CA14: variants seen among roughly 807,000 people sequenced by gnomAD.
CA14 encodes the protein CA-XIV.
CA14 carries 44 observed loss-of-function variants against 48.8 expected under a neutral mutation model. The observed-to-expected ratio is 0.90, with a 90% CI of 0.71 to 1.16. The LOEUF (loss-of-function observed/expected upper bound fraction) is 1.16. CA14 is among the 50% of genes most tolerant of loss of function. CA14 has a pLI of 0.00. For synonymous variants in CA14, 154 were observed against 155.0 expected, an observed-to-expected ratio of 0.99 and a Z score of 0.05; for missense variants, 386 against 401.0, an observed-to-expected ratio of 0.96 and a Z score of 0.32.
At chr1:150,263,542 A>G (rs1651287800) in intron 8 of CA14, 117 bp from the exon 9 acceptor site, 24 of 1,609,820 alleles carry the variant, frequency 1.5e-5, no homozygotes, top group Non-Finnish European at 2.5e-6. Context: ...TGGACTGGGA[A>G]CCAACCCCCA....
At chr1:150,263,911 T>TA in intron 10 of CA14, 33 bp downstream of exon 10, 4 of 1,299,700 alleles carry the variant, frequency 3.1e-6, no homozygotes, top group African/African-American at 4.2e-5. Flanking sequence ...TCCAGTCCCT[T>TA]CTTCTTTTTT....
At chr1:150,262,738 T>G (rs1553848174) in intron 5 of CA14, 66 bp from the exon 6 acceptor site, 2 of 1,402,114 alleles carry the variant, frequency 1.4e-6, no homozygotes. Context: ...CCATTTATTC[T>G]GTACATAAAT....
chr1:150,263,729 G>A (rs1553848610), intron 9 of CA14, 50 bp downstream of exon 9: 7 of 1,612,848 alleles, frequency 4.3e-6, no homozygotes, highest in East Asian at 2.2e-5. Context: ...TCCTCACCGA[G>A]TGGGGGAAAG....
At chr1:150,260,065 A>G in intron 1 of CA14, 86 bp from the exon 2 acceptor site, 1 of 1,324,460 alleles carries the variant, frequency 7.6e-7, no homozygotes, top group South Asian at 1.2e-5. Context: ...GTGGAGCAGT[A>G]CAGAATGCCA....
chr1:150,264,860 T>C lies in CA14; in HGVS notation c.*201T>C, dbSNP rs1651521620. 4.4e-6 allele frequency: 2 copies of C among 455,308 alleles called. No individual in the cohort carries two copies. Among genetic ancestry groups the C allele is most frequent in the African/African-American group, 2.0e-5 (1 of 50,826 alleles). The allele number at this position is 455,308 out of a possible 1,614,324, so 28.2% of individuals were successfully genotyped here. On this transcript the variant is annotated 3_prime_UTR_variant, in exon 11 of 11. Coordinates refer to ENST00000369111, the MANE Select transcript of CA14 (RefSeq NM_012113.3). ...GCAGAGCCTTCAGCCTCTCCAAACA[T>C]GTAGGAGGAAATGAGGAAATCGCTG...
In CA14 at chr1:150,260,199, AC is replaced by A. The variant is rs782469989; in HGVS notation, c.76+31del. ...GAGCAGATCTCAAGGCCTCCCGACA[AC>A]CCTTTCACACTGGGACCTCCTCACC... On this transcript the variant is annotated intron_variant, in intron 2 of 10. Coordinates refer to ENST00000369111, the MANE Select transcript of CA14 (RefSeq NM_012113.3). 6.2e-6 allele frequency: 10 copies of A among 1,611,850 alleles called. No homozygotes were observed. The Admixed American group carries it at 8.3e-5, about 13-fold the overall frequency.
chr1:150,261,520 G>C lies in CA14; in HGVS notation c.138G>C (p.Ser46=), dbSNP rs781864244. ...CTGAGTGTGGAAACAATGCCCAGTC[G>C]CCCATCGATATTCAGACAGACAGTG... is the stretch of plus-strand genomic sequence containing the variant. The part of the protein sequence containing the change: ...SYPECGNNAQ[S]PIDIQTDSVT... Residue 46 remains serine (S), a synonymous_variant, in exon 3 of 11, where the codon TCG becomes TCC. Transcript: ENST00000369111. 3 of 1,614,146 alleles carry C rather than the reference G, an allele frequency of 1.9e-6. No individual in the cohort carries two copies. The highest frequency in any genetic ancestry group is 2.5e-6 in the Non-Finnish European group (3 of 1,180,028).
rs1651021809 is a variant in CA14, at chr1:150,261,462, C to T, written c.80C>T (p.Pro27Leu). Residue 27 changes from proline to leucine, a missense_variant, in exon 3 of 11, where the codon CCA becomes CTA. By Grantham distance (98) the Pro-to-Leu change is moderately conservative. Transcript: ENST00000369111. Reference sequence around the variant, plus strand: ...TGTCTTTGGTAACCCCCACCAGGCCCACATGGTCAGGACCATTGGCCAGCC... The same window carrying T: ...TGTCTTTGGTAACCCCCACCAGGCCTACATGGTCAGGACCATTGGCCAGCC... ...DGGQHWTYEG[P>L]HGQDHWPASY... is the part of the protein sequence containing the mutation. The T allele has an allele frequency of 6.2e-7, 1 of 1,613,650 alleles. No individual in the cohort carries two copies. The highest frequency in any genetic ancestry group is 1.3e-5 in the African/African-American group (1 of 74,918).
At position 150,263,170 on chromosome 1, in the gene CA14, TA is replaced by T; in HGVS notation, c.692del (p.Tyr231LeufsTer61). 1 of 1,614,120 alleles carries T rather than the reference TA, an allele frequency of 6.2e-7. No homozygotes were observed. Among genetic ancestry groups the T allele is most frequent in the Non-Finnish European group, 8.5e-7 (1 of 1,180,016 alleles). On this transcript the variant is annotated frameshift_variant, in exon 7 of 11. Coordinates refer to ENST00000369111, the MANE Select transcript of CA14 (RefSeq NM_012113.3). LOFTEE classifies it high-confidence loss of function. ...CYQSVLWTVF[Y>X]RRSQISMEQL... Reference sequence around the variant, plus strand: ...CCAGAGTGTGCTCTGGACAGTTTTTTATAGAAGGTCCCAGATTTCAATGGAA... The same window carrying T: ...CCAGAGTGTGCTCTGGACAGTTTTTTTAGAAGGTCCCAGATTTCAATGGAA...
chr1:150,262,452 G>T, intron 4 of CA14, 73 bp from the exon 5 acceptor site: 1 of 1,482,216 alleles, frequency 6.7e-7, no homozygotes, highest in Non-Finnish European at 9.4e-7. Context: ...GCGGGGGGAT[G>T]GTGGCAGCTA....
intron 6 of CA14, 83 bp from the exon 7 acceptor site, chr1:150,262,959 C>G: frequency 6.3e-7 from 1 of 1,584,196 alleles, no homozygotes. Context: ...TACATAGAGC[C>G]AAGGAATTTT....
intron 1 of CA14, among the ~76,000 whole-genome samples, chr1:150,258,972 C>T (rs908578449): frequency 4.6e-5 from 7 of 151,854 alleles, no homozygotes; most frequent in Non-Finnish European, 8.8e-5. Context: ...GGCAGGCAGC[C>T]AAATGGAGAG....
rs782676908 is a variant in CA14, at chr1:150,263,352, T to C, written c.774T>C (p.Leu258=). The C allele has an allele frequency of 3.7e-6, 6 of 1,614,092 alleles. No homozygotes were observed. The highest frequency in any genetic ancestry group is 5.1e-6 in the Non-Finnish European group (6 of 1,180,040). ...LFSTEEEPSK[L]LVQNYRALQP... is the part of the protein sequence containing the mutation. ...CCACAGAAGAGGAGCCCTCTAAGCTTCTGGTACAGAACTACCGAGCCCTTC... is the reference window on the plus strand; with the variant it reads ...CCACAGAAGAGGAGCCCTCTAAGCTCCTGGTACAGAACTACCGAGCCCTTC... Residue 258 remains leucine, a synonymous_variant, in exon 8 of 11, where the codon CTT becomes CTC. Coordinates refer to ENST00000369111, the MANE Select transcript of CA14 (RefSeq NM_012113.3).
At position 150,262,471 on chromosome 1, in the gene CA14, G is replaced by A. The variant is rs1455766382; in HGVS notation, c.400-54G>A. 4.0e-6 allele frequency: 6 copies of A among 1,516,660 alleles called. No homozygotes were observed. The East Asian group carries it at 6.8e-5, about 17-fold the overall frequency. The allele number at this position is 1,516,660 out of a possible 1,614,324, so 94.0% of individuals were successfully genotyped here. A position where few individuals can be genotyped will look rare whatever the true frequency, so the allele number is the denominator to read the frequency against. ...GGGGATGGTGGCAGCTAGGATCAAG[G>A]CCTTGAAGGGGGTGCAGACATTCCA... On this transcript the variant is annotated intron_variant, in intron 4 of 10. Transcript: ENST00000369111.
At chr1:150,260,926 A>T (rs1265142884) in intron 2 of CA14, 1 of 155,022 alleles carries the variant, frequency 6.5e-6, no homozygotes, top group East Asian at 1.9e-4. Context: ...CGTCTGGCTA[A>T]TTTTTGCATT....
chr1:150,262,916 A>G, intron 6 of CA14, 46 bp downstream of exon 6: 1 of 1,589,424 alleles, frequency 6.3e-7, no homozygotes, highest in Non-Finnish European at 8.6e-7. Flanking sequence ...AGACTTTCAA[A>G]AACTATCCTT....
In CA14 at chr1:150,262,270, C is replaced by T. The variant is rs782382176; in HGVS notation, c.369C>T (p.His123=). Residue 123 remains histidine, a synonymous_variant, in exon 4 of 11, where the codon CAC becomes CAT. Transcript: ENST00000369111. ...AAGGATCCCCAGGGGGGTCAGAACA[C>T]CAGATCAACAGTGAAGCCACATTTG... ...GQKGSPGGSE[H]QINSEATFAE... The T allele has an allele frequency of 1.2e-6, 2 of 1,608,350 alleles. No individual in the cohort carries two copies. Among genetic ancestry groups the T allele is most frequent in the East Asian group, 2.2e-5 (1 of 44,878 alleles).
At position 150,262,312 on chromosome 1, in the gene CA14, CAA is replaced by C; in HGVS notation, c.399+14_399+15del. ...CCACATTTGCAGAGGTACCAGGGAACAAAGAGCTGGGACTCAGACAAAGTAAC... is the reference window on the plus strand; with the variant it reads ...CCACATTTGCAGAGGTACCAGGGAACAGAGCTGGGACTCAGACAAAGTAAC... On this transcript the variant is annotated intron_variant, in intron 4 of 10. Coordinates refer to ENST00000369111, the MANE Select transcript of CA14 (RefSeq NM_012113.3). 6.3e-7 allele frequency: 1 copy of C among 1,587,540 alleles called. No individual in the cohort carries two copies. The highest frequency in any genetic ancestry group is 8.6e-7 in the Non-Finnish European group (1 of 1,167,858).
chr1:150,263,031 G>T lies in CA14; in HGVS notation c.563-11G>T, dbSNP rs1651208305. 3.1e-6 allele frequency: 5 copies of T among 1,613,926 alleles called. No homozygotes were observed. The highest frequency in any genetic ancestry group is 1.3e-5 in the African/African-American group (1 of 75,022). ...CTGAAAGGAAGATGAGTCCCAGTCT[G>T]TTCTCCCCAGATCAGAAGACCTCAG... On this transcript the variant is annotated splice_polypyrimidine_tract_variant and intron_variant, in intron 6 of 10. Transcript: ENST00000369111.
Sources: allele counts gnomAD v4.1 joint callset (sites outside exome capture counted in the v4.1 genomes callset), GRCh38; gene constraint gnomAD v4.1.1; transcripts MANE v1.5; gene names NCBI Gene and HGNC (gene_info 2026-07-23, HGNC 2026-07-21).